The following DIP2C variants were observed in gnomAD, a reference collection of about 807,000 sequenced individuals.
The protein encoded by DIP2C is disco-interacting protein 2 homolog C.
In DIP2C, 33 loss-of-function variants were observed where a neutral mutation model predicts 192.4. The ratio of observed to expected loss-of-function variants is 0.17; its 90% CI spans 0.13 to 0.23. DIP2C has a LOEUF of 0.23. DIP2C is among the 10% of genes least tolerant of loss of function. DIP2C has a pLI of 1.00. For synonymous variants in DIP2C, 979 were observed against 864.1 expected (o/e 1.13, Z -2.33); for missense variants, 1,537 against 2,110.1 (o/e 0.73, Z 5.32).
At chr10:376,199 A>G (rs991645966) in intron 17 of DIP2C, among the ~76,000 whole-genome samples, 2 of 152,176 alleles carry the variant, frequency 1.3e-5, no homozygotes, top group African/African-American at 4.8e-5. Flanking sequence ...CCCTGCCCAC[A>G]TGACAAAGCA....
At chr10:546,086 G>T (rs752432269) in intron 1 of DIP2C, among the ~76,000 whole-genome samples, 2 of 151,822 alleles carry the variant, frequency 1.3e-5, no homozygotes, top group Non-Finnish European at 2.9e-5. Flanking sequence ...GTTCCAGACC[G>T]GCCTGACCAA....
At chr10:554,825 G>A (rs1406631387) in intron 1 of DIP2C, among the ~76,000 whole-genome samples, 1 of 152,184 alleles carries the variant, frequency 6.6e-6, no homozygotes, top group Non-Finnish European at 1.5e-5. Context: ...CCTGAAACCT[G>A]GGCACAGAGT....
chr10:302,186 G>A (rs927266613), intron 32 of DIP2C, among the ~76,000 whole-genome samples: 8 of 152,116 alleles, frequency 5.3e-5, no homozygotes, highest in Non-Finnish European at 1.2e-4. Context: ...TCAGATAATT[G>A]TACTGAGACT....
At chr10:558,162 A>G (rs1478551535) in intron 1 of DIP2C, among the ~76,000 whole-genome samples, 1 of 152,142 alleles carries the variant, frequency 6.6e-6, no homozygotes, top group East Asian at 1.9e-4. Context: ...CTGTTCCCCA[A>G]ATACTAACTA....
intron 9 of DIP2C, among the ~76,000 whole-genome samples, chr10:400,917 C>T (rs1964378266): frequency 6.6e-6 from 1 of 150,686 alleles, no homozygotes; most frequent in Non-Finnish European, 1.5e-5. Context: ...ACATTTTCAT[C>T]AGTACATGAA....
chr10:364,301 T>TC (rs1959915487), intron 20 of DIP2C, 73 bp downstream of exon 20: 1 of 1,524,228 alleles, frequency 6.6e-7, no homozygotes, highest in South Asian at 1.2e-5. Flanking sequence ...TGTGCAACTT[T>TC]CAACCCTTCA....
chr10:646,356 A>C (rs1855454991), intron 1 of DIP2C, among the ~76,000 whole-genome samples: 2 of 141,086 alleles, frequency 1.4e-5, no homozygotes, highest in Admixed American at 1.4e-4. Flanking sequence ...CTTCCACCCC[A>C]CGCCAACCTG....
chr10:633,438 G>A (rs1226352413), intron 1 of DIP2C, among the ~76,000 whole-genome samples: 2 of 152,208 alleles, frequency 1.3e-5, no homozygotes, highest in East Asian at 1.9e-4. Flanking sequence ...CAGAGCGGAC[G>A]CGGGGAGTCC....
At position 413,958 on chromosome 10, in the gene DIP2C, T is replaced by C. The variant is rs776489970; in HGVS notation, c.1012A>G (p.Thr338Ala). 1 of 1,614,170 alleles carries C rather than the reference T, an allele frequency of 6.2e-7. No individual in the cohort carries two copies. Residue 338 changes from threonine to alanine, a missense_variant, in exon 8 of 37, where the codon ACC becomes GCC. Thr to Ala is a moderately conservative substitution (Grantham distance 58). This residue lies in a region of DIP2C where 473 missense variants were observed against 539.6 expected (regional missense o/e 0.88). Transcript: ENST00000280886. ...GGCTTCCCGTTGGTGTCCATGGTGG[T>C]CAGGCAGGGCGCCTTGGGCGAGATG... is the stretch of plus-strand genomic sequence containing the variant. ...GTISPKAPCL[T>A]TMDTNGKPLY... is the part of the protein sequence containing the mutation.
chr10:685,288 T>C (rs575882869), intron 1 of DIP2C, among the ~76,000 whole-genome samples: 150 of 151,346 alleles, frequency 9.9e-4, no homozygotes, highest in Non-Finnish European at 1.9e-3. Context: ...TGCAAGCAGG[T>C]TCTCCCCTGC....
intron 6 of DIP2C, 23 bp downstream of exon 6, chr10:419,042 C>T (rs372046741): frequency 1.9e-5 from 31 of 1,614,002 alleles, no homozygotes; most frequent in Non-Finnish European, 2.5e-5. Flanking sequence ...CAGAAAAAAA[C>T]GCATCTCTCC....
chr10:498,303 G>C (rs897330241), intron 1 of DIP2C, among the ~76,000 whole-genome samples: 1 of 152,200 alleles, frequency 6.6e-6, no homozygotes, highest in Non-Finnish European at 1.5e-5. Context: ...CAGATGACAG[G>C]GACACGCTGT....
chr10:342,138 G>A (rs1026591314), intron 28 of DIP2C, among the ~76,000 whole-genome samples: 10 of 151,982 alleles, frequency 6.6e-5, no homozygotes, highest in African/African-American at 1.9e-4. Context: ...TGGAGGAAGG[G>A]GTTCTCGTGT....
At chr10:662,566 C>T (rs1269314971) in intron 1 of DIP2C, among the ~76,000 whole-genome samples, 1 of 152,108 alleles carries the variant, frequency 6.6e-6, no homozygotes, top group Admixed American at 6.5e-5. Context: ...ATTACTTAAA[C>T]CAATAAAATA....
chr10:274,583 A>G lies in DIP2C; in HGVS notation c.*2742T>C, dbSNP rs1457263284. On this transcript the variant is annotated 3_prime_UTR_variant, in exon 37 of 37. Coordinates refer to ENST00000280886, the MANE Select transcript of DIP2C (RefSeq NM_014974.3). ...AAGGTTGCTGTCCTTTGCACATAAA[A>G]ATTTTGTTTGAAACTGTGGCTGGTT... is the stretch of plus-strand genomic sequence containing the variant. 1 of 152,246 alleles carries G rather than the reference A, an allele frequency of 6.6e-6. No homozygotes were observed. Among genetic ancestry groups the G allele is most frequent in the Non-Finnish European group, 1.5e-5 (1 of 68,046 alleles). 9.4% of individuals were successfully genotyped at this position (152,246 alleles called of 1,614,324 possible).
intron 4 of DIP2C, among the ~76,000 whole-genome samples, chr10:425,544 T>C (rs1218348567): frequency 2.2e-5 from 3 of 137,592 alleles, no homozygotes; most frequent in African/African-American, 7.7e-5. Flanking sequence ...CAGTGGTGAC[T>C]AATATGACAC....
In DIP2C at chr10:350,986, A is replaced by G. The variant is rs145488910; in HGVS notation, c.2986-1532T>C. On this transcript the variant is annotated intron_variant, in intron 24 of 36. Coordinates refer to ENST00000280886, the MANE Select transcript of DIP2C (RefSeq NM_014974.3). ...GAGTCACAGCTACAAAGATGAATGC[A>G]TGAGTGTAGGGATGGAGCGCGCGGC... 5.6e-3 allele frequency among the ~76,000 whole-genome samples: 845 copies of G among 152,168 alleles called. 11 individuals are homozygous for G. The highest frequency in any genetic ancestry group is 0.019 in the African/African-American group (779 of 41,514).
At chr10:603,992 T>C in intron 1 of DIP2C, among the ~76,000 whole-genome samples, 2 of 61,908 alleles carry the variant, frequency 3.2e-5, no homozygotes, top group Admixed American at 2.2e-4. Flanking sequence ...CGGCCCCAGC[T>C]CCCTCATCAG....
chr10:528,291 A>G (rs967318806), intron 1 of DIP2C, among the ~76,000 whole-genome samples: 1 of 151,838 alleles, frequency 6.6e-6, no homozygotes, highest in Non-Finnish European at 1.5e-5. Flanking sequence ...CAGAACATAG[A>G]CTGCCTGCTG....
Sources: allele counts gnomAD v4.1 joint callset (sites outside exome capture counted in the v4.1 genomes callset), GRCh38; gene constraint gnomAD v4.1.1; regional missense constraint gnomAD v4.1.1; transcripts MANE v1.5; gene names NCBI Gene and HGNC (gene_info 2026-07-23, HGNC 2026-07-21).